The following TRIM67 variants were observed in gnomAD, a reference collection of about 807,000 sequenced individuals.
The protein encoded by TRIM67 is tripartite motif containing 67.
TRIM67 carries 39 observed loss-of-function variants against 71.0 expected under a neutral mutation model. The ratio of observed to expected loss-of-function variants is 0.55; its 90% CI spans 0.43 to 0.72. The LOEUF (loss-of-function observed/expected upper bound fraction) is 0.72. Among genes scored for constraint, TRIM67 ranks in the 30% least tolerant of loss-of-function variants. TRIM67 has a pLI of 0.00. For synonymous variants in TRIM67, 481 were observed against 473.9 expected (o/e 1.01, Z -0.19); for missense variants, 973 against 1,079.2 (o/e 0.90, Z 1.38).
At chr1:231,179,605 T>C (rs1477715051) in intron 1 of TRIM67, among the ~76,000 whole-genome samples, 1 of 152,228 alleles carries the variant, frequency 6.6e-6, no homozygotes, top group Non-Finnish European at 1.5e-5. Flanking sequence ...AACAGTAGGA[T>C]ATGAATAACT....
rs1407109930 is a variant in TRIM67 at position 231,167,614 on chromosome 1, G to A, written c.1044+3601G>A. Among the ~76,000 whole-genome samples, 9 of 106,050 alleles carry A rather than the reference G, an allele frequency of 8.5e-5. 1 individual carries two copies. The highest frequency in any genetic ancestry group is 1.5e-4 in the Non-Finnish European group (9 of 58,616). The allele number at this position is 106,050 out of a possible 152,430, so 69.6% of individuals were successfully genotyped here. A position where few individuals can be genotyped will look rare whatever the true frequency, so the allele number is the denominator to read the frequency against. On this transcript the variant is annotated intron_variant, in intron 1 of 9. Coordinates refer to ENST00000366653, the MANE Select transcript of TRIM67 (RefSeq NM_001004342.5). ...TGGGATTACAGGCGTGAGCCACCGC[G>A]CCCGGCCGTCTTTTTTTTTTTTAAG... is the stretch of plus-strand genomic sequence containing the variant.
chr1:231,196,994 G>A (rs1477727081), intron 1 of TRIM67, among the ~76,000 whole-genome samples: 1 of 152,214 alleles, frequency 6.6e-6, no homozygotes, highest in African/African-American at 2.4e-5. Context: ...CCTGGGGTCT[G>A]GAATGTCCAT....
rs184755209 is a variant in TRIM67, at chr1:231,184,905, G to A, written c.1045-12466G>A. 267 of 990,084 alleles carry A rather than the reference G, an allele frequency of 2.7e-4. 1 individual carries two copies. The East Asian group carries it at 4.4e-3, about 16-fold the overall frequency. 61.3% of individuals were successfully genotyped at this position (990,084 alleles called of 1,614,324 possible). On this transcript the variant is annotated intron_variant, in intron 1 of 9. Transcript: ENST00000366653. ...CACAGAGGGCAAGAAACTAGGTCAC[G>A]TAAAATTAGGGTTTGAATTCAGGGC... is the stretch of plus-strand genomic sequence containing the variant.
Position 231,206,801 on chromosome 1 carries a change from G to C in TRIM67, c.1819+11G>C. The stretch of plus-strand genomic sequence containing the variant: ...TGCAGACATCCGATGGTGAGCATCG[G>C]GATCTCTTAGTGGGAAGAACAGATT... On this transcript the variant is annotated intron_variant, in intron 7 of 9. Coordinates refer to ENST00000366653, the MANE Select transcript of TRIM67 (RefSeq NM_001004342.5). 1 of 1,581,548 alleles carries C rather than the reference G, an allele frequency of 6.3e-7. No homozygotes were observed.
intron 1 of TRIM67, among the ~76,000 whole-genome samples, chr1:231,173,229 G>C (rs758576857): frequency 2.6e-5 from 4 of 152,080 alleles, no homozygotes; most frequent in Non-Finnish European, 5.9e-5. Flanking sequence ...TACCAAGATG[G>C]AAATAAAAAC....
intron 1 of TRIM67, 66 bp from the exon 2 acceptor site, chr1:231,197,305 T>C: frequency 1.4e-6 from 2 of 1,397,206 alleles, no homozygotes; most frequent in Non-Finnish European, 2.0e-6. Context: ...GCTTTTATGA[T>C]GAAGTGCAAA....
intron 1 of TRIM67, chr1:231,185,219 C>G (rs1336596003): frequency 2.6e-6 from 4 of 1,532,898 alleles, no homozygotes; most frequent in Non-Finnish European, 3.5e-6. Flanking sequence ...ATTCCCAGAG[C>G]CTTTATCTGA....
At position 231,176,710 on chromosome 1, in the gene TRIM67, G is replaced by A. The variant is rs74143573; in HGVS notation, c.1044+12697G>A. On this transcript the variant is annotated intron_variant, in intron 1 of 9. Transcript: ENST00000366653. ...TATCTGAGCTAACATACTGGATCTG[G>A]AGACAATGGGGGAAAAGGATGGGAT... Among the ~76,000 whole-genome samples, 393 of 152,164 alleles carry A rather than the reference G, an allele frequency of 2.6e-3. 2 individuals are homozygous for A. Among genetic ancestry groups the A allele is most frequent in the African/African-American group, 8.7e-3 (363 of 41,508 alleles).
chr1:231,193,505 T>G (rs1351351824), intron 1 of TRIM67, among the ~76,000 whole-genome samples: 5 of 102,360 alleles, frequency 4.9e-5, no homozygotes, highest in African/African-American at 2.0e-4. Flanking sequence ...TCTCTCAAGC[T>G]CTCTCTCTCT....
chr1:231,206,370 G>A (rs2102757460), intron 6 of TRIM67, among the ~76,000 whole-genome samples: 1 of 152,108 alleles, frequency 6.6e-6, no homozygotes, highest in South Asian at 2.1e-4. Flanking sequence ...GAACTCGGGA[G>A]GCGGAGGTTT....
intron 1 of TRIM67, among the ~76,000 whole-genome samples, chr1:231,193,675 G>A (rs533257522): frequency 1.1e-3 from 163 of 152,228 alleles, no homozygotes; most frequent in African/African-American, 3.7e-3. Context: ...TCTGCAGGCT[G>A]TACAAGAAGC....
In TRIM67 at chr1:231,209,894, C is replaced by A. The variant is rs1482338888; in HGVS notation, c.2123+644C>A. Among the ~76,000 whole-genome samples the A allele has an allele frequency of 9.9e-5, 15 of 152,162 alleles. No individual in the cohort carries two copies. The highest frequency in any genetic ancestry group is 9.8e-4 in the Admixed American group (15 of 15,282). ...TCCTGGCCTGTGAAACTACTGGGACCTCTGTTAGGAGGGCAGATGGGGATG... is the reference window on the plus strand; with the variant it reads ...TCCTGGCCTGTGAAACTACTGGGACATCTGTTAGGAGGGCAGATGGGGATG... On this transcript the variant is annotated intron_variant, in intron 8 of 9. Coordinates refer to ENST00000366653, the MANE Select transcript of TRIM67 (RefSeq NM_001004342.5). The surrounding 1 kb of genome is among the most constrained non-coding windows in gnomAD (Gnocchi z 4.1).
At chr1:231,214,213 C>T (rs1683951190) in intron 9 of TRIM67, among the ~76,000 whole-genome samples, 1 of 152,190 alleles carries the variant, frequency 6.6e-6, no homozygotes, top group Non-Finnish European at 1.5e-5. Flanking sequence ...GACCTCAGGA[C>T]TGAGCTCAGT....
At chr1:231,208,015 T>TA (rs199775553) in intron 7 of TRIM67, among the ~76,000 whole-genome samples, 3,355 of 151,040 alleles carry the variant, frequency 0.022, 122 homozygotes, top group East Asian at 0.16. Flanking sequence ...TGTACTTTTT[T>TA]TTTTTTTTTT....
intron 3 of TRIM67, among the ~76,000 whole-genome samples, chr1:231,199,800 A>G (rs116517286): frequency 6.6e-6 from 1 of 152,246 alleles, no homozygotes; most frequent in South Asian, 2.1e-4. Flanking sequence ...GGCTAGGACC[A>G]TTGCATTATC....
chr1:231,212,076 C>T lies in TRIM67; in HGVS notation c.2124-1739C>T, dbSNP rs1189965842. On this transcript the variant is annotated intron_variant, in intron 8 of 9. Transcript: ENST00000366653. ...AATTCTCTCGGCCACGAGTAACGAG[C>T]TCGATTAACTTTTATACTTAGGTTT... Among the ~76,000 whole-genome samples, 4 of 152,170 alleles carry T rather than the reference C, an allele frequency of 2.6e-5. No homozygotes were observed. The East Asian group carries it at 7.7e-4, about 29-fold the overall frequency.
chr1:231,217,650 G>C lies in TRIM67; in HGVS notation c.*2210G>C. ...AGAGTGGGCTAGGCAGGGCTGCCTG[G>C]TGACAGCAGCTTCTCACAGGGGAGC... On this transcript the variant is annotated 3_prime_UTR_variant, in exon 10 of 10. Coordinates refer to ENST00000366653, the MANE Select transcript of TRIM67 (RefSeq NM_001004342.5). The C allele has an allele frequency of 5.2e-6, 6 of 1,159,810 alleles. No homozygotes were observed. The highest frequency in any genetic ancestry group is 6.5e-6 in the Non-Finnish European group (6 of 924,872). The allele number at this position is 1,159,810 out of a possible 1,614,324, so 71.8% of individuals were successfully genotyped here.
chr1:231,217,934 T>G lies in TRIM67; in HGVS notation c.*2494T>G. The G allele has an allele frequency of 7.8e-7, 1 of 1,278,678 alleles. No homozygotes were observed. The allele number at this position is 1,278,678 out of a possible 1,614,324, so 79.2% of individuals were successfully genotyped here. ...GCAGCCAGGACTCCCTCCTCCCCAC[T>G]GCCACCCTGAGCTTGGGGGCTGGGA... On this transcript the variant is annotated 3_prime_UTR_variant, in exon 10 of 10. Coordinates refer to ENST00000366653, the MANE Select transcript of TRIM67 (RefSeq NM_001004342.5).
chr1:231,169,542 C>T (rs1009321930), intron 1 of TRIM67, among the ~76,000 whole-genome samples: 1 of 151,238 alleles, frequency 6.6e-6, no homozygotes, highest in Non-Finnish European at 1.5e-5. Context: ...CCACGCCTGG[C>T]CAATTTTTGT....
Sources: allele counts gnomAD v4.1 joint callset (sites outside exome capture counted in the v4.1 genomes callset), GRCh38; gene constraint gnomAD v4.1.1; non-coding constraint Gnocchi (gnomAD v3.1); transcripts MANE v1.5; gene names NCBI Gene and HGNC (gene_info 2026-07-23, HGNC 2026-07-21).